The following LTV1 variants were observed in gnomAD, a reference collection of about 807,000 sequenced individuals.
The protein encoded by LTV1 is protein LTV1 homolog.
LTV1 carries 39 observed loss-of-function variants against 59.9 expected under a neutral mutation model. That is an observed-to-expected ratio of 0.65 (90% CI 0.50 to 0.85). The LOEUF (loss-of-function observed/expected upper bound fraction) is 0.85. Ranked by LOEUF, LTV1 falls within the 40% of genes least tolerant of loss-of-function variation. The pLI is 0.00. For synonymous variants in LTV1, 171 were observed against 189.5 expected (o/e 0.90, Z 0.80); for missense variants, 493 against 549.1 (o/e 0.90, Z 1.02).
chr6:143,863,022 A>G lies in LTV1; in HGVS notation c.1117-64A>G. 1.3e-6 allele frequency: 2 copies of G among 1,486,136 alleles called. No individual in the cohort carries two copies. The allele number at this position is 1,486,136 out of a possible 1,614,324, so 92.1% of individuals were successfully genotyped here. A position where few individuals can be genotyped will look rare whatever the true frequency, so the allele number is the denominator to read the frequency against. Reference sequence around the variant, plus strand: ...TTAGAAAAAGCATCAACAGTATGTCATTAATGAGCTATTTTTTAATAGGAA... The same window carrying G: ...TTAGAAAAAGCATCAACAGTATGTCGTTAATGAGCTATTTTTTAATAGGAA... On this transcript the variant is annotated intron_variant, in intron 9 of 10. Coordinates refer to ENST00000367576, the MANE Select transcript of LTV1 (RefSeq NM_032860.5). The surrounding 1 kb of genome is among the most constrained non-coding windows in gnomAD (Gnocchi z 4.5).
chr6:143,854,685 A>G (rs1271065471), intron 4 of LTV1, among the ~76,000 whole-genome samples: 1 of 151,788 alleles, frequency 6.6e-6, no homozygotes, highest in Non-Finnish European at 1.5e-5. Flanking sequence ...ATTTATTTCT[A>G]CCTTATTTTT....
At chr6:143,844,380 A>G (rs1260592738) in intron 1 of LTV1, 106 bp from the exon 2 acceptor site, 3 of 1,256,234 alleles carry the variant, frequency 2.4e-6, no homozygotes, top group African/African-American at 3.0e-5. Flanking sequence ...AGATTTTTAA[A>G]AAGTATCTTT....
chr6:143,858,030 G>A, intron 6 of LTV1, 23 bp downstream of exon 6: 1 of 1,609,732 alleles, frequency 6.2e-7, no homozygotes, highest in Non-Finnish European at 8.5e-7. Flanking sequence ...CATAAGGGAT[G>A]CTTTAGTACT....
At chr6:143,861,274 T>C (rs550460918) in intron 7 of LTV1, among the ~76,000 whole-genome samples, 47 of 151,682 alleles carry the variant, frequency 3.1e-4, no homozygotes, top group African/African-American at 1.1e-3. Context: ...ATTATTAGGG[T>C]GTGAAATATA....
In LTV1 at chr6:143,857,982, C is replaced by T. The variant is rs200284526; in HGVS notation, c.770C>T (p.Thr257Ile). Residue 257 changes from threonine (T) to isoleucine (I), a missense_variant, in exon 6 of 11, where the codon ACC (threonine) becomes ATC (isoleucine). By Grantham distance (89) the Thr-to-Ile change is moderately conservative. Transcript: ENST00000367576. The surrounding 1 kb of genome is among the most constrained non-coding windows in gnomAD (Gnocchi z 5.2). ...SSVMRRNEQL[T>I]LHDERFEKFY... Reference sequence around the variant, plus strand: ...GTCATGAGGAGAAATGAACAGCTGACCCTACATGATGAGAGGTTTGAGAAG... The same window carrying T: ...GTCATGAGGAGAAATGAACAGCTGATCCTACATGATGAGAGGTTTGAGAAG... 6.8e-6 allele frequency: 11 copies of T among 1,614,032 alleles called. No individual in the cohort carries two copies. In the Admixed American group the frequency reaches 1.0e-4, roughly 15 times the overall value.
At chr6:143,860,916 G>A (rs1388997795) in intron 7 of LTV1, among the ~76,000 whole-genome samples, 6 of 149,086 alleles carry the variant, frequency 4.0e-5, no homozygotes, top group Non-Finnish European at 7.4e-5. Flanking sequence ...TTTTTTTTGA[G>A]ACGGAGTCTT....
chr6:143,843,627 C>G, intron 1 of LTV1, 147 bp downstream of exon 1: 1 of 995,676 alleles, frequency 1.0e-6, no homozygotes, highest in Non-Finnish European at 1.5e-6. Flanking sequence ...GGGCCAACGT[C>G]ACCACCGTGG....
chr6:143,845,830 A>T (rs1441390506), intron 2 of LTV1, among the ~76,000 whole-genome samples: 1 of 152,208 alleles, frequency 6.6e-6, no homozygotes, highest in Non-Finnish European at 1.5e-5. Context: ...TTTTCATTCC[A>T]TTTTAATGTT....
At chr6:143,852,594 T>C (rs1489913325) in intron 4 of LTV1, among the ~76,000 whole-genome samples, 1 of 152,244 alleles carries the variant, frequency 6.6e-6, no homozygotes, top group Non-Finnish European at 1.5e-5. Flanking sequence ...TTGTCAATTT[T>C]GGCTTTTGTT....
chr6:143,860,569 C>A lies in LTV1; in HGVS notation c.923+16C>A. On this transcript the variant is annotated intron_variant, in intron 7 of 10. Coordinates refer to ENST00000367576, the MANE Select transcript of LTV1 (RefSeq NM_032860.5). ...AGGCAGAGAAGTATAGTGACTTTTC[C>A]TTCCTTGTTTAGCTGTTCTTTTTTT... The A allele has an allele frequency of 6.3e-7, 1 of 1,588,810 alleles. No individual in the cohort carries two copies. The highest frequency in any genetic ancestry group is 8.5e-7 in the Non-Finnish European group (1 of 1,170,060).
chr6:143,845,677 C>A (rs79100592), intron 2 of LTV1, among the ~76,000 whole-genome samples: 3,040 of 152,284 alleles, frequency 0.02, 127 homozygotes, highest in African/African-American at 0.071. Flanking sequence ...TGCACCTGGC[C>A]CCCCAGGTCT....
At chr6:143,848,453 C>A (rs1776929160) in intron 3 of LTV1, among the ~76,000 whole-genome samples, 1 of 152,222 alleles carries the variant, frequency 6.6e-6, no homozygotes, top group South Asian at 2.1e-4. Flanking sequence ...TAACATCTTG[C>A]TGTGTGTACA....
chr6:143,863,682 C>T lies in LTV1; in HGVS notation c.*155C>T. On this transcript the variant is annotated 3_prime_UTR_variant, in exon 11 of 11. Transcript: ENST00000367576. The surrounding 1 kb of genome is among the most constrained non-coding windows in gnomAD (Gnocchi z 4.5). The stretch of plus-strand genomic sequence containing the variant: ...TTATTTTTATACTAGTAAGTGTCCC[C>T]TGCCAACCATCTTGTAAATATTGTA... The T allele has an allele frequency of 2.0e-6, 1 of 489,818 alleles. No individual in the cohort carries two copies. The highest frequency in any genetic ancestry group is 3.7e-6 in the Non-Finnish European group (1 of 270,832). The allele number at this position is 489,818 out of a possible 1,614,324, so 30.3% of individuals were successfully genotyped here.
Position 143,857,069 on chromosome 6 carries a change from G to A in LTV1, c.398-234G>A, listed in dbSNP as rs1777088402. Among the ~76,000 whole-genome samples, 1 of 152,246 alleles carries A rather than the reference G, an allele frequency of 6.6e-6. No homozygotes were observed. The highest frequency in any genetic ancestry group is 1.5e-5 in the Non-Finnish European group (1 of 68,042). ...TCCCCCAGGTGCTCTGTCCCAGGAA[G>A]ATGGGAGTTTTATTTATAAGGTCCT... On this transcript the variant is annotated intron_variant, in intron 4 of 10. Transcript: ENST00000367576. This position sits in a 1 kb window ranked among gnomAD's most constrained non-coding sequence, Gnocchi z 5.2.
rs540023213 is a variant in LTV1 at position 143,848,803 on chromosome 6, C to T, written c.310-1328C>T. 5.1e-4 allele frequency among the ~76,000 whole-genome samples: 78 copies of T among 152,270 alleles called. 1 individual carries two copies. Among genetic ancestry groups the T allele is most frequent in the Admixed American group, 2.0e-3 (30 of 15,284 alleles). On this transcript the variant is annotated intron_variant, in intron 3 of 10. Coordinates refer to ENST00000367576, the MANE Select transcript of LTV1 (RefSeq NM_032860.5). ...GGGCTTCATGTCGGAGGGTAGGAAC[C>T]GAGCTGGCCACCAAGTGGTGGGTAC...
Position 143,862,919 on chromosome 6 carries a change from A to G in LTV1, c.1116+23A>G. The G allele has an allele frequency of 1.3e-6, 2 of 1,560,012 alleles. No individual in the cohort carries two copies. Among genetic ancestry groups the G allele is most frequent in the Non-Finnish European group, 1.8e-6 (2 of 1,131,006 alleles). On this transcript the variant is annotated intron_variant, in intron 9 of 10. Transcript: ENST00000367576. The surrounding 1 kb of genome is among the most constrained non-coding windows in gnomAD (Gnocchi z 4.2). ...AAGGTAAGTCCTAGTGTGCTGAGCT[A>G]TTTGAAGGATGCAGTGCATAAAAAA...
Position 143,857,557 on chromosome 6 carries a change from A to C in LTV1, c.539+113A>C. 8.8e-7 allele frequency: 1 copy of C among 1,137,592 alleles called. No homozygotes were observed. The highest frequency in any genetic ancestry group is 1.3e-6 in the Non-Finnish European group (1 of 780,986). 70.5% of individuals were successfully genotyped at this position (1,137,592 alleles called of 1,614,324 possible). A position where few individuals can be genotyped will look rare whatever the true frequency, so the allele number is the denominator to read the frequency against. ...GAGACCTTCAAGAGCATTTAATCTG[A>C]GACTTCTGTATTTTAGAGCAGAAAA... On this transcript the variant is annotated intron_variant, in intron 5 of 10. Transcript: ENST00000367576. This position sits in a 1 kb window ranked among gnomAD's most constrained non-coding sequence, Gnocchi z 5.2.
chr6:143,858,053 AT>A (rs752904285), intron 6 of LTV1, 46 bp downstream of exon 6: 6,472 of 1,274,774 alleles, frequency 5.1e-3, no homozygotes, highest in South Asian at 5.6e-3. Flanking sequence ...CTTATGTTAA[AT>A]TTTTTTTTTT....
Position 143,844,838 on chromosome 6 carries a change from T to G in LTV1, c.135+221T>G, listed in dbSNP as rs540696139. The stretch of plus-strand genomic sequence containing the variant: ...AGTTTTTAATAAATTGTTAGCCAGC[T>G]GTTATTCTCAGATAACTGATATTCT... On this transcript the variant is annotated intron_variant, in intron 2 of 10. Coordinates refer to ENST00000367576, the MANE Select transcript of LTV1 (RefSeq NM_032860.5). Among the ~76,000 whole-genome samples, 3 of 152,320 alleles carry G rather than the reference T, an allele frequency of 2.0e-5. No homozygotes were observed. In the East Asian group the frequency reaches 5.8e-4, roughly 29 times the overall value.
Sources: allele counts gnomAD v4.1 joint callset (sites outside exome capture counted in the v4.1 genomes callset), GRCh38; gene constraint gnomAD v4.1.1; non-coding constraint Gnocchi (gnomAD v3.1); transcripts MANE v1.5; gene names NCBI Gene and HGNC (gene_info 2026-07-23, HGNC 2026-07-21).